The following TMEM63A variants were observed in gnomAD, a reference collection of about 807,000 sequenced individuals.
TMEM63A encodes mechanosensitive cation channel TMEM63A.
A neutral mutation model predicts 100.6 loss-of-function variants in TMEM63A; 76 were observed. That is an observed-to-expected ratio of 0.76 (90% CI 0.63 to 0.91). The LOEUF (loss-of-function observed/expected upper bound fraction) is 0.91. Ranked by LOEUF, TMEM63A falls within the 40% of genes least tolerant of loss-of-function variation. The probability of loss-of-function intolerance (pLI) is 0.00; values close to 1 mark genes in which losing one functional copy is unlikely to be tolerated. For missense variants in TMEM63A, 876 were observed against 1,008.8 expected (o/e 0.87, Z 1.78); for synonymous variants, 401 against 401.1 (o/e 1.00, Z 0.00).
At chr1:225,857,614 C>T (rs984838117) in intron 15 of TMEM63A, among the ~76,000 whole-genome samples, 3 of 150,244 alleles carry the variant, frequency 2.0e-5, no homozygotes, top group African/African-American at 7.3e-5. Context: ...AAAAAAAAAA[C>T]AAAACGCTGT....
At position 225,853,740 on chromosome 1, in the gene TMEM63A, G is replaced by C; in HGVS notation, c.1686C>G (p.Ala562=). 2 of 1,606,628 alleles carry C rather than the reference G, an allele frequency of 1.2e-6. No homozygotes were observed. The highest frequency in any genetic ancestry group is 1.7e-6 in the Non-Finnish European group (2 of 1,176,600). ...CCATGCCATTGCCGATGAAGGCCGA[G>C]GCGATGACATAGTTCACAAAGAAGG... is the stretch of plus-strand genomic sequence containing the variant. The part of the protein sequence containing the change: ...QGAFFVNYVI[A]SAFIGNGMEL... The change falls in exon 19 of 25, where the codon GCC becomes GCG. Residue 562 remains alanine, a synonymous_variant. Coordinates refer to ENST00000366835, the MANE Select transcript of TMEM63A (RefSeq NM_014698.3). The surrounding 1 kb of genome is among the most constrained non-coding windows in gnomAD (Gnocchi z 4.0).
At chr1:225,868,081 C>A (rs1461948806) in intron 6 of TMEM63A, 51 bp from the exon 7 acceptor site, 1 of 1,604,366 alleles carries the variant, frequency 6.2e-7, no homozygotes, top group Non-Finnish European at 8.5e-7. Flanking sequence ...GGCCTCGGGG[C>A]TCTGCATGAA....
intron 6 of TMEM63A, among the ~76,000 whole-genome samples, chr1:225,868,316 G>A (rs1365759490): frequency 6.6e-6 from 1 of 152,092 alleles, no homozygotes; most frequent in Non-Finnish European, 1.5e-5. Flanking sequence ...CAAGTTACGT[G>A]TGTGGGAAAG....
chr1:225,871,440 A>C, intron 5 of TMEM63A: 2 of 293,510 alleles, frequency 6.8e-6, no homozygotes, highest in Non-Finnish European at 1.3e-5. Context: ...GGCAAAAGAG[A>C]GGAAACAAGC....
chr1:225,856,973 G>C lies in TMEM63A; in HGVS notation c.1422C>G (p.Ser474=), dbSNP rs1253678934. The change falls in exon 16 of 25, where the codon TCC becomes TCG. Residue 474 remains serine (S), a synonymous_variant. Coordinates refer to ENST00000366835, the MANE Select transcript of TMEM63A (RefSeq NM_014698.3). ...SQFFPTLLLW[S]FSALLPSIVY... is the part of the protein sequence containing the mutation. ...CAATGGAGGGGAGCAGGGCCGAGAA[G>C]GACCAGAGCAGGAGGGTGGGGAAGA... is the stretch of plus-strand genomic sequence containing the variant. 1.2e-6 allele frequency: 2 copies of C among 1,601,518 alleles called. No homozygotes were observed. Among genetic ancestry groups the C allele is most frequent in the Middle Eastern group, 1.7e-4 (1 of 6,022 alleles).
At chr1:225,875,452 C>CTCTGA (rs1187460927) in intron 3 of TMEM63A, among the ~76,000 whole-genome samples, 2 of 152,184 alleles carry the variant, frequency 1.3e-5, no homozygotes, top group South Asian at 4.1e-4. Flanking sequence ...TCCCTGCCTG[C>CTCTGA]TCTGATCAGA....
At chr1:225,860,673 G>T in intron 14 of TMEM63A, 187 bp downstream of exon 14, 1 of 503,990 alleles carries the variant, frequency 2.0e-6, no homozygotes. Context: ...GAGGAACACT[G>T]GAGGGAAGGG....
In TMEM63A at chr1:225,882,370, A is replaced by G. The variant is rs1671135340; in HGVS notation, c.-272T>C. The G allele has an allele frequency of 6.6e-6, 1 of 152,508 alleles. No homozygotes were observed. The highest frequency in any genetic ancestry group is 2.1e-4 in the South Asian group (1 of 4,840). The allele number at this position is 152,508 out of a possible 1,614,324, so 9.4% of individuals were successfully genotyped here. On this transcript the variant is annotated 5_prime_UTR_variant, in exon 1 of 25. Transcript: ENST00000366835. Reference sequence around the variant, plus strand: ...CGTGTTCCGACCACTTAAAAGTTACAAAGTGAAACTCCGGCGCCTCCTGCA... The same window carrying G: ...CGTGTTCCGACCACTTAAAAGTTACGAAGTGAAACTCCGGCGCCTCCTGCA...
intron 10 of TMEM63A, 189 bp from the exon 11 acceptor site, chr1:225,863,040 A>C: frequency 1.6e-6 from 1 of 612,488 alleles, no homozygotes; most frequent in Non-Finnish European, 2.9e-6. Flanking sequence ...ATTTAATACA[A>C]AGAGGGCTTT....
At chr1:225,859,951 G>A (rs548945951) in intron 14 of TMEM63A, 31 of 156,072 alleles carry the variant, frequency 2.0e-4, no homozygotes, top group Non-Finnish European at 3.6e-4. Context: ...CGGCCCCAGC[G>A]TGGCATTTCT....
At chr1:225,874,939 G>C (rs558780454) in intron 3 of TMEM63A, among the ~76,000 whole-genome samples, 60 of 152,272 alleles carry the variant, frequency 3.9e-4, no homozygotes, top group African/African-American at 1.3e-3. Context: ...TCACCATATT[G>C]GTCAGGCTGG....
At chr1:225,864,016 T>G (rs938222191) in intron 10 of TMEM63A, 5 of 151,188 alleles carry the variant, frequency 3.3e-5, no homozygotes, top group Admixed American at 2.0e-4. Flanking sequence ...TCATAACCTG[T>G]GAGGTTTTGT....
chr1:225,871,208 T>C, intron 5 of TMEM63A, 95 bp from the exon 6 acceptor site: 1 of 1,308,746 alleles, frequency 7.6e-7, no homozygotes, highest in Non-Finnish European at 1.1e-6. Context: ...CCATTTAACC[T>C]CCTGTTGTAT....
chr1:225,848,424 G>A (rs1669133386), intron 23 of TMEM63A, 68 bp downstream of exon 23: 5 of 1,550,770 alleles, frequency 3.2e-6, no homozygotes, highest in Non-Finnish European at 4.4e-6. Context: ...GGGCCCATCT[G>A]GTTGGGACTG....
intron 6 of TMEM63A, among the ~76,000 whole-genome samples, chr1:225,869,732 G>A (rs1319563761): frequency 6.9e-6 from 1 of 144,788 alleles, no homozygotes; most frequent in East Asian, 2.1e-4. Flanking sequence ...GGGTGATCTT[G>A]GCTCACTGCG....
chr1:225,857,884 C>G (rs1669723708), intron 15 of TMEM63A, among the ~76,000 whole-genome samples: 1 of 152,188 alleles, frequency 6.6e-6, no homozygotes, highest in Non-Finnish European at 1.5e-5. Context: ...TTTATAATAC[C>G]TGCTTTAAAT....
chr1:225,865,664 A>C lies in TMEM63A; in HGVS notation c.746+233T>G. 1 of 540,296 alleles carries C rather than the reference A, an allele frequency of 1.9e-6. No individual in the cohort carries two copies. The highest frequency in any genetic ancestry group is 3.4e-6 in the Non-Finnish European group (1 of 297,432). The allele number at this position is 540,296 out of a possible 1,614,324, so 33.5% of individuals were successfully genotyped here. On this transcript the variant is annotated intron_variant, in intron 10 of 24. Coordinates refer to ENST00000366835, the MANE Select transcript of TMEM63A (RefSeq NM_014698.3). This position sits in a 1 kb window ranked among gnomAD's most constrained non-coding sequence, Gnocchi z 4.6. ...GGTCTGTGCTCTGGACACTGTGCACAGGCTGCTTGAAGAGGATAGGCCACC... is the reference window on the plus strand; with the variant it reads ...GGTCTGTGCTCTGGACACTGTGCACCGGCTGCTTGAAGAGGATAGGCCACC...
At chr1:225,860,777 G>GAA in intron 14 of TMEM63A, 83 bp downstream of exon 14, 2 of 1,458,424 alleles carry the variant, frequency 1.4e-6, no homozygotes, top group East Asian at 2.4e-5. Context: ...TGACTGCCAG[G>GAA]TCACACCTGT....
At position 225,859,243 on chromosome 1, in the gene TMEM63A, AC is replaced by A. The variant is rs1669810377; in HGVS notation, c.1329del (p.Ser444ProfsTer15). On this transcript the variant is annotated frameshift_variant, in exon 15 of 25. Transcript: ENST00000366835. LOFTEE classifies it high-confidence loss of function. Reference sequence around the variant, plus strand: ...GTGACATTAAACTTGTCCATGGTGGACAGGATGATGGAGGGTGTGGTCAGGA... The same window carrying A: ...GTGACATTAAACTTGTCCATGGTGGAAGGATGATGGAGGGTGTGGTCAGGA... The part of the protein sequence containing the change: ...LFFLTTPSII[L>X]STMDKFNVTK... 1.9e-6 allele frequency: 3 copies of A among 1,614,110 alleles called. No homozygotes were observed. In the African/African-American group the frequency reaches 4.0e-5, roughly 22 times the overall value.
Sources: gnomAD v4.1 joint callset for allele counts (sites outside exome capture counted in the v4.1 genomes callset) on GRCh38, gnomAD v4.1.1 for gene constraint, Gnocchi (gnomAD v3.1) non-coding constraint, MANE v1.5 for transcripts, NCBI Gene and HGNC (gene_info 2026-07-23, HGNC 2026-07-21) for gene names.